The following KCNB2 variants were observed in gnomAD, a reference collection of about 807,000 sequenced individuals.
The protein encoded by KCNB2 is potassium voltage-gated channel subfamily B member 2.
KCNB2 carries 15 observed loss-of-function variants against 61.5 expected under a neutral mutation model. That is an observed-to-expected ratio of 0.24 (90% CI 0.16 to 0.38). The LOEUF is 0.38. KCNB2 is among the 10% of genes least tolerant of loss of function. KCNB2 has a pLI of 1.00. For synonymous variants in KCNB2, 457 were observed against 446.0 expected (o/e 1.02, Z -0.31); for missense variants, 828 against 1,125.2 (o/e 0.74, Z 3.78).
chr8:72,641,214 G>T (rs1407485577), intron 2 of KCNB2, among the ~76,000 whole-genome samples: 5 of 151,964 alleles, frequency 3.3e-5, no homozygotes, highest in Non-Finnish European at 5.9e-5. Context: ...GATTATTTTG[G>T]TGTTAATGGT....
chr8:72,830,509 G>A (rs979276067), intron 2 of KCNB2, among the ~76,000 whole-genome samples: 2 of 152,142 alleles, frequency 1.3e-5, no homozygotes, highest in Non-Finnish European at 2.9e-5. Context: ...ACTGCTTGTC[G>A]AGTTCTCATT....
chr8:72,870,882 T>C (rs1324818662), intron 2 of KCNB2, among the ~76,000 whole-genome samples: 1 of 152,030 alleles, frequency 6.6e-6, no homozygotes, highest in East Asian at 1.9e-4. Context: ...GAGGCTGAGG[T>C]GAGAGGATCA....
At chr8:72,766,026 C>T (rs1219689938) in intron 2 of KCNB2, among the ~76,000 whole-genome samples, 2 of 152,150 alleles carry the variant, frequency 1.3e-5, no homozygotes, top group Non-Finnish European at 2.9e-5. Flanking sequence ...TGGCATAGGG[C>T]CAAATACACC....
intron 2 of KCNB2, among the ~76,000 whole-genome samples, chr8:72,588,265 C>A (rs1807031956): frequency 6.9e-6 from 1 of 145,518 alleles, no homozygotes; most frequent in South Asian, 2.1e-4. Flanking sequence ...GTTGCCCAGG[C>A]TGGAGTGCAA....
chr8:72,772,727 T>C (rs2128997290), intron 2 of KCNB2, among the ~76,000 whole-genome samples: 1 of 152,340 alleles, frequency 6.6e-6, no homozygotes, highest in African/African-American at 2.4e-5. Flanking sequence ...TACCTACATG[T>C]GATTTACAAG....
At chr8:72,600,093 G>A (rs1051625918) in intron 2 of KCNB2, among the ~76,000 whole-genome samples, 1 of 152,190 alleles carries the variant, frequency 6.6e-6, no homozygotes, top group Non-Finnish European at 1.5e-5. Context: ...CCATTATGGG[G>A]TATACACCCA....
intron 1 of KCNB2, among the ~76,000 whole-genome samples, chr8:72,553,629 A>G (rs900862304): frequency 1.3e-5 from 2 of 152,140 alleles, no homozygotes; most frequent in African/African-American, 4.8e-5. Context: ...GAGCATTTTC[A>G]TTAGGCTTTA....
intron 2 of KCNB2, among the ~76,000 whole-genome samples, chr8:72,716,086 C>A (rs1319482554): frequency 1.3e-5 from 2 of 152,204 alleles, no homozygotes; most frequent in Admixed American, 1.3e-4. Context: ...TTCCTTGACA[C>A]ATACACCCTC....
At chr8:72,797,255 A>G (rs886212828) in intron 2 of KCNB2, among the ~76,000 whole-genome samples, 1 of 152,222 alleles carries the variant, frequency 6.6e-6, no homozygotes, top group African/African-American at 2.4e-5. Flanking sequence ...TGAAGAGTCT[A>G]TTAATACAGT....
chr8:72,561,739 A>ATATG (rs1806527372), intron 1 of KCNB2, among the ~76,000 whole-genome samples: 1 of 24,712 alleles, frequency 4.0e-5, no homozygotes, highest in Non-Finnish European at 6.1e-5. Flanking sequence ...CTATATCTAT[A>ATATG]TATATATGTA....
intron 2 of KCNB2, among the ~76,000 whole-genome samples, chr8:72,744,846 G>T (rs1422608796): frequency 6.6e-6 from 1 of 152,196 alleles, no homozygotes; most frequent in Non-Finnish European, 1.5e-5. Flanking sequence ...AAAAGCCATA[G>T]GGGTAAGCCA....
In KCNB2 at chr8:72,567,672, G is replaced by C; in HGVS notation, c.-63G>C. 4 of 1,091,684 alleles carry C rather than the reference G, an allele frequency of 3.7e-6. No homozygotes were observed. The highest frequency in any genetic ancestry group is 1.7e-5 in the South Asian group (1 of 59,746). 67.6% of individuals were successfully genotyped at this position (1,091,684 alleles called of 1,614,324 possible). The stretch of plus-strand genomic sequence containing the variant: ...TCAGTGGAAATGCCTGCCCCAGAGG[G>C]ATATTGCTTCAGTTGACCTCATTTT... On this transcript the variant is annotated 5_prime_UTR_variant, in exon 2 of 3. Coordinates refer to ENST00000523207, the MANE Select transcript of KCNB2 (RefSeq NM_004770.3).
intron 2 of KCNB2, among the ~76,000 whole-genome samples, chr8:72,687,906 A>G (rs1035724532): frequency 6.6e-6 from 1 of 152,174 alleles, no homozygotes; most frequent in Non-Finnish European, 1.5e-5. Flanking sequence ...GCCTAGGCAA[A>G]AGCAGGGGAT....
intron 1 of KCNB2, among the ~76,000 whole-genome samples, chr8:72,559,156 T>A (rs1353185124): frequency 2.0e-5 from 3 of 151,278 alleles, no homozygotes; most frequent in Non-Finnish European, 4.4e-5. Context: ...TTATTATTTA[T>A]TTTTTTGGAG....
At chr8:72,564,251 C>A (rs190053591) in intron 1 of KCNB2, among the ~76,000 whole-genome samples, 398 of 152,104 alleles carry the variant, frequency 2.6e-3, no homozygotes, top group Non-Finnish European at 3.7e-3. Flanking sequence ...TTTTTAATGA[C>A]TTTTTCAAAA....
intron 2 of KCNB2, among the ~76,000 whole-genome samples, chr8:72,805,183 C>T (rs1221116078): frequency 1.3e-5 from 2 of 152,074 alleles, no homozygotes; most frequent in African/African-American, 4.8e-5. Context: ...TTATCATTGC[C>T]ATTAATATTA....
intron 2 of KCNB2, among the ~76,000 whole-genome samples, chr8:72,674,575 G>A (rs932775469): frequency 1.1e-4 from 17 of 152,194 alleles, no homozygotes; most frequent in African/African-American, 4.1e-4. Flanking sequence ...AAATATCATC[G>A]TGATAAAGAT....
At chr8:72,892,612 A>T (rs1279862754) in intron 2 of KCNB2, among the ~76,000 whole-genome samples, 1 of 152,164 alleles carries the variant, frequency 6.6e-6, no homozygotes, top group Non-Finnish European at 1.5e-5. Flanking sequence ...GAGGCTCCTG[A>T]AGTTTACACA....
chr8:72,551,888 G>C (rs1256214010), intron 1 of KCNB2, among the ~76,000 whole-genome samples: 1 of 152,050 alleles, frequency 6.6e-6, no homozygotes, highest in Non-Finnish European at 1.5e-5. Flanking sequence ...TTTGTTTGTT[G>C]AATAAATGAG....
Sources: gnomAD v4.1 joint callset for allele counts (sites outside exome capture counted in the v4.1 genomes callset) on GRCh38, gnomAD v4.1.1 for gene constraint, MANE v1.5 for transcripts, NCBI Gene and HGNC (gene_info 2026-07-23, HGNC 2026-07-21) for gene names.